Variants in ABLIM1 observed in about 807,000 individuals in gnomAD.
The protein encoded by ABLIM1 is actin-binding LIM protein 1.
ABLIM1 carries 40 observed loss-of-function variants against 107.0 expected under a neutral mutation model. The ratio of observed to expected loss-of-function variants is 0.37; its 90% CI spans 0.29 to 0.49. ABLIM1 has a LOEUF of 0.49. Ranked by LOEUF, ABLIM1 falls within the 20% of genes least tolerant of loss-of-function variation. The pLI, the probability that ABLIM1 is intolerant of heterozygous loss-of-function variation, is 0.97. For missense variants in ABLIM1, 857 were observed against 1,008.5 expected (o/e 0.85, Z 2.04); for synonymous variants, 357 against 357.3 (o/e 1.00, Z 0.01).
intron 1 of ABLIM1, among the ~76,000 whole-genome samples, chr10:114,755,386 A>C (rs1399935510): frequency 6.6e-6 from 1 of 152,184 alleles, no homozygotes; most frequent in Non-Finnish European, 1.5e-5. Context: ...ATGTTCTAGA[A>C]GGCAGGAGAA....
At chr10:114,591,316 A>G (rs2074843803) in intron 2 of ABLIM1, among the ~76,000 whole-genome samples, 1 of 152,106 alleles carries the variant, frequency 6.6e-6, no homozygotes, top group South Asian at 2.1e-4. Context: ...TACCTATTTT[A>G]TTTCCTTAAT....
chr10:114,759,725 T>A (rs989818867), intron 1 of ABLIM1, among the ~76,000 whole-genome samples: 2 of 152,114 alleles, frequency 1.3e-5, no homozygotes, highest in African/African-American at 4.8e-5. Context: ...ATTCAGCTAT[T>A]GATCAAAAGT....
intron 1 of ABLIM1, among the ~76,000 whole-genome samples, chr10:114,613,148 A>G (rs1404116069): frequency 6.6e-6 from 1 of 152,214 alleles, no homozygotes; most frequent in Non-Finnish European, 1.5e-5. Flanking sequence ...AAAAGCTAAT[A>G]CATGTGTGGC....
intron 6 of ABLIM1, among the ~76,000 whole-genome samples, chr10:114,503,456 G>GAA (rs113795893): frequency 6.6e-6 from 1 of 151,368 alleles, no homozygotes; most frequent in African/African-American, 2.4e-5. Context: ...CGAAAAAAAA[G>GAA]AAAAAAAATT....
intron 6 of ABLIM1, among the ~76,000 whole-genome samples, chr10:114,543,794 T>C (rs1346928116): frequency 1.3e-5 from 2 of 152,224 alleles, no homozygotes; most frequent in Admixed American, 6.5e-5. Context: ...ACGTTTCTTA[T>C]GTATCCTGTG....
intron 1 of ABLIM1, among the ~76,000 whole-genome samples, chr10:114,728,570 T>A (rs1224247726): frequency 8.0e-6 from 1 of 125,022 alleles, no homozygotes; most frequent in Non-Finnish European, 1.7e-5. Flanking sequence ...CATGAATTAA[T>A]CTGAAAGACA....
chr10:114,637,656 T>C (rs2078547717), intron 1 of ABLIM1, among the ~76,000 whole-genome samples: 1 of 152,210 alleles, frequency 6.6e-6, no homozygotes, highest in Admixed American at 6.5e-5. Context: ...ACGGTATATT[T>C]AAAGTTCCCT....
chr10:114,533,991 T>G (rs1423343835), intron 6 of ABLIM1, among the ~76,000 whole-genome samples: 3 of 152,200 alleles, frequency 2.0e-5, no homozygotes, highest in African/African-American at 7.2e-5. Flanking sequence ...GATTACCTTG[T>G]GCACTGAGAG....
chr10:114,570,414 T>C (rs973307782), intron 4 of ABLIM1, among the ~76,000 whole-genome samples: 2 of 152,150 alleles, frequency 1.3e-5, no homozygotes, highest in East Asian at 1.9e-4. Context: ...TGCAGCTTTT[T>C]CCCACACTTT....
chr10:114,723,057 G>A (rs2081884719), intron 1 of ABLIM1, among the ~76,000 whole-genome samples: 1 of 152,160 alleles, frequency 6.6e-6, no homozygotes, highest in Non-Finnish European at 1.5e-5. Context: ...TGTACCTCCA[G>A]CACCTAGCTC....
Position 114,601,842 on chromosome 10 carries a change from A to G in ABLIM1, c.364T>C (p.Cys122Arg). The G allele has an allele frequency of 6.2e-7, 1 of 1,614,150 alleles. No individual in the cohort carries two copies. Among genetic ancestry groups the G allele is most frequent in the Non-Finnish European group, 8.5e-7 (1 of 1,180,010 alleles). The change falls in exon 2 of 23, where the codon TGT becomes CGT. Residue 122 changes from cysteine (C) to arginine (R), a missense_variant. This residue lies in a region of ABLIM1 where 176 missense variants were observed against 173.5 expected (regional missense o/e 1.01). Transcript: ENST00000533213. ...GGCACCATACCTTTGCAGGTGAAAC[A>G]CTTGATGTGGAAATGTTTGGTCTGG... ...RVQTKHFHIK[C>R]FTCKVCGCDL...
chr10:114,436,346 C>T lies in ABLIM1; in HGVS notation c.2251G>A (p.Glu751Lys), dbSNP rs530174120. ...TCCTGTATGGACATTCCAAAGATTT[C>T]CCGAAACACTTCAGGGGCTAAGTGG... ...ERHLAPEVFREIFGMSIQEFD... is the reference protein window; with the variant it reads ...ERHLAPEVFRKIFGMSIQEFD... The change falls in exon 23 of 23, where the codon GAA (glutamate) becomes AAA (lysine). Residue 751 changes from glutamate to lysine, a missense_variant. This residue lies in a region of ABLIM1 where 193 missense variants were observed against 208.5 expected (regional missense o/e 0.93). Transcript: ENST00000533213. The T allele has an allele frequency of 2.5e-6, 4 of 1,613,820 alleles. No homozygotes were observed. In the African/African-American group the frequency reaches 4.0e-5, roughly 16 times the overall value.
At chr10:114,563,076 G>A (rs894747703) in intron 4 of ABLIM1, among the ~76,000 whole-genome samples, 1 of 152,188 alleles carries the variant, frequency 6.6e-6, no homozygotes. Flanking sequence ...ACAAATAAAT[G>A]ATTTTGGAAA....
At chr10:114,625,679 C>T (rs1041156921) in intron 1 of ABLIM1, among the ~76,000 whole-genome samples, 1 of 152,096 alleles carries the variant, frequency 6.6e-6, no homozygotes, top group Non-Finnish European at 1.5e-5. Flanking sequence ...GGCAGGTAGA[C>T]AGTATGACTG....
rs114827820 is a variant in ABLIM1, at chr10:114,501,774, C to G, written c.895-9896G>C. Among the ~76,000 whole-genome samples the G allele has an allele frequency of 4.9e-3, 750 of 152,296 alleles. 9 individuals carry two copies. The highest frequency in any genetic ancestry group is 0.017 in the African/African-American group (718 of 41,562). On this transcript the variant is annotated intron_variant, in intron 6 of 22. Transcript: ENST00000533213. ...CTTCTCCCATACACACAGTCTCCCC[C>G]ACTAAGAACGTCCCCCAACAGAGTG...
At chr10:114,546,224 G>T (rs145989188) in intron 5 of ABLIM1, among the ~76,000 whole-genome samples, 1 of 151,768 alleles carries the variant, frequency 6.6e-6, no homozygotes, top group Non-Finnish European at 1.5e-5. Context: ...GCAATGTTCC[G>T]TTAGAAGCCA....
rs771173392 is a variant in ABLIM1, at chr10:114,445,382, G to A, written c.1757C>T (p.Ser586Phe). Residue 586 changes from serine (S) to phenylalanine (F), a missense_variant, in exon 16 of 23, where the codon TCT becomes TTT. By Grantham distance (155) the Ser-to-Phe change is radical (BLOSUM62 -2). Coordinates refer to ENST00000533213, the MANE Select transcript of ABLIM1 (RefSeq NM_002313.7). Reference protein sequence around the residue: ...AVVGPDMKRRSSGREEDDEEL... With the variant: ...AVVGPDMKRRFSGREEDDEEL... ...CTCATCATCTTCCTCTCTGCCACTA[G>A]ATCTGCGTTTCATGTCAGGTCCTAA... 1 of 1,613,650 alleles carries A rather than the reference G, an allele frequency of 6.2e-7. No individual in the cohort carries two copies. Among genetic ancestry groups the A allele is most frequent in the South Asian group, 1.1e-5 (1 of 90,976 alleles).
chr10:114,681,210 T>TGA (rs925544416), intron 1 of ABLIM1, among the ~76,000 whole-genome samples: 1 of 152,166 alleles, frequency 6.6e-6, no homozygotes, highest in Non-Finnish European at 1.5e-5. Flanking sequence ...ATTTTTATAT[T>TGA]GAGAGAGAGA....
chr10:114,752,573 C>T (rs2082539291), intron 1 of ABLIM1, among the ~76,000 whole-genome samples: 1 of 152,158 alleles, frequency 6.6e-6, no homozygotes, highest in Non-Finnish European at 1.5e-5. Context: ...GCTATTTTTC[C>T]TAAAGCTCTT....
Sources: gnomAD v4.1 joint callset for allele counts (sites outside exome capture counted in the v4.1 genomes callset) on GRCh38, gnomAD v4.1.1 for gene constraint, gnomAD v4.1.1 regional missense constraint, MANE v1.5 for transcripts, NCBI Gene and HGNC (gene_info 2026-07-23, HGNC 2026-07-21) for gene names.